Variants in SIPA1L1 observed in about 807,000 individuals in gnomAD.
The protein encoded by SIPA1L1 is signal-induced proliferation-associated 1-like protein 1.
A neutral mutation model predicts 162.7 loss-of-function variants in SIPA1L1; 26 were observed. The observed-to-expected ratio is 0.16, with a 90% CI of 0.12 to 0.22. The LOEUF (loss-of-function observed/expected upper bound fraction) is 0.22, where lower values mean the gene tolerates loss of function less well. SIPA1L1 is among the 10% of genes least tolerant of loss of function. SIPA1L1 has a pLI of 1.00. For synonymous variants in SIPA1L1, 829 were observed against 837.4 expected (o/e 0.99, Z 0.17); for missense variants, 1,874 against 2,241.0 (o/e 0.84, Z 3.31).
At chr14:71,357,245 A>G (rs1020795607) in intron 2 of SIPA1L1, among the ~76,000 whole-genome samples, 3 of 151,888 alleles carry the variant, frequency 2.0e-5, no homozygotes, top group African/African-American at 4.8e-5. Flanking sequence ...ATAGATGGCT[A>G]TTTATCTGAA....
chr14:71,648,899 G>A (rs1018415117), intron 7 of SIPA1L1, among the ~76,000 whole-genome samples: 1 of 152,298 alleles, frequency 6.6e-6, no homozygotes, highest in African/African-American at 2.4e-5. Context: ...TCTCCCTACT[G>A]TACTAGTTCC....
At chr14:71,637,364 TATTAC>T (rs1174694739) in intron 7 of SIPA1L1, among the ~76,000 whole-genome samples, 1 of 152,174 alleles carries the variant, frequency 6.6e-6, no homozygotes, top group East Asian at 1.9e-4. Context: ...ACTTAACTTT[TATTAC>T]ATTGTATTGT....
intron 3 of SIPA1L1, among the ~76,000 whole-genome samples, chr14:71,522,126 C>T (rs909528914): frequency 6.6e-6 from 1 of 152,330 alleles, no homozygotes; most frequent in South Asian, 2.1e-4. Context: ...TGATAGTTCT[C>T]TCTCTTAGTT....
At chr14:71,408,453 T>G (rs1485639309) in intron 2 of SIPA1L1, among the ~76,000 whole-genome samples, 1 of 152,144 alleles carries the variant, frequency 6.6e-6, no homozygotes, top group East Asian at 1.9e-4. Context: ...AGTTTCAGAA[T>G]AAAAGAAAAC....
intron 2 of SIPA1L1, among the ~76,000 whole-genome samples, chr14:71,462,509 G>A (rs2046679172): frequency 6.6e-6 from 1 of 152,176 alleles, no homozygotes; most frequent in Admixed American, 6.5e-5. Context: ...ATCCAAATAG[G>A]TCCACTAGGC....
At chr14:71,437,920 A>G (rs1394685872) in intron 2 of SIPA1L1, among the ~76,000 whole-genome samples, 3 of 152,200 alleles carry the variant, frequency 2.0e-5, no homozygotes, top group African/African-American at 4.8e-5. Flanking sequence ...AAATATACAC[A>G]GGCATGTACC....
intron 4 of SIPA1L1, among the ~76,000 whole-genome samples, chr14:71,567,045 T>C (rs894508179): frequency 4.6e-5 from 7 of 152,212 alleles, no homozygotes; most frequent in East Asian, 3.8e-4. Context: ...ATTAAAATTC[T>C]CTAATTATCA....
At chr14:71,720,768 T>C (rs1422862040) in intron 17 of SIPA1L1, among the ~76,000 whole-genome samples, 2 of 152,094 alleles carry the variant, frequency 1.3e-5, no homozygotes, top group African/African-American at 2.4e-5. Flanking sequence ...ATTTTTCAAC[T>C]CCAGAAATTC....
chr14:71,693,326 G>C (rs2081380377), intron 13 of SIPA1L1, among the ~76,000 whole-genome samples: 2 of 152,120 alleles, frequency 1.3e-5, no homozygotes, highest in Non-Finnish European at 2.9e-5. Flanking sequence ...CATGGCGAAA[G>C]CCTGTCTACT....
At chr14:71,641,860 A>G (rs1214644462) in intron 7 of SIPA1L1, among the ~76,000 whole-genome samples, 2 of 152,246 alleles carry the variant, frequency 1.3e-5, no homozygotes, top group Admixed American at 6.5e-5. Flanking sequence ...CAAAATTAGT[A>G]CAGTGGTTGC....
intron 12 of SIPA1L1, among the ~76,000 whole-genome samples, chr14:71,675,714 A>T (rs2045088922): frequency 1.3e-5 from 2 of 152,134 alleles, no homozygotes; most frequent in African/African-American, 4.8e-5. Context: ...ACCACCAGTC[A>T]CTGCAGCTGC....
chr14:71,399,563 C>A (rs1340488733), intron 2 of SIPA1L1, among the ~76,000 whole-genome samples: 3 of 152,028 alleles, frequency 2.0e-5, no homozygotes, highest in African/African-American at 7.3e-5. Flanking sequence ...CACCACCATA[C>A]CTGGCTAGGT....
intron 3 of SIPA1L1, among the ~76,000 whole-genome samples, chr14:71,514,122 A>G (rs187981280): frequency 1.4e-3 from 216 of 152,338 alleles, no homozygotes; most frequent in Middle Eastern, 3.4e-3. Flanking sequence ...GAACAAAAGG[A>G]GAGAAAGTAC....
intron 2 of SIPA1L1, among the ~76,000 whole-genome samples, chr14:71,445,940 C>G (rs927556193): frequency 7.2e-5 from 11 of 152,152 alleles, no homozygotes; most frequent in Non-Finnish European, 1.5e-4. Context: ...CCATGACCTC[C>G]TTGGGCTGGA....
At chr14:71,677,854 C>A (rs1203953175) in intron 12 of SIPA1L1, among the ~76,000 whole-genome samples, 2 of 152,278 alleles carry the variant, frequency 1.3e-5, no homozygotes, top group East Asian at 3.9e-4. Flanking sequence ...GGTACCAGTA[C>A]CATGCTGTTT....
intron 14 of SIPA1L1, among the ~76,000 whole-genome samples, chr14:71,702,136 C>T (rs1012555835): frequency 6.6e-6 from 1 of 152,140 alleles, no homozygotes; most frequent in Non-Finnish European, 1.5e-5. Context: ...TGGCTTCCGC[C>T]CTCATTGTTA....
intron 2 of SIPA1L1, among the ~76,000 whole-genome samples, chr14:71,339,590 C>T (rs190892742): frequency 1.7e-4 from 26 of 152,194 alleles, no homozygotes; most frequent in East Asian, 1.4e-3. Context: ...TCTTAAACTC[C>T]GGACCTCAGG....
At chr14:71,558,229 G>A (rs763696390) in intron 4 of SIPA1L1, among the ~76,000 whole-genome samples, 23 of 152,122 alleles carry the variant, frequency 1.5e-4, no homozygotes, top group Non-Finnish European at 2.9e-4. Flanking sequence ...GTGAATATCA[G>A]GGCACGGACT....
intron 4 of SIPA1L1, among the ~76,000 whole-genome samples, chr14:71,551,863 T>G (rs1458984489): frequency 6.6e-6 from 1 of 152,240 alleles, no homozygotes; most frequent in South Asian, 2.1e-4. Flanking sequence ...TTTGTGTTAC[T>G]GATTCCTTCA....
Sources: allele counts gnomAD v4.1 joint callset (sites outside exome capture counted in the v4.1 genomes callset), GRCh38; gene constraint gnomAD v4.1.1; transcripts MANE v1.5; gene names NCBI Gene and HGNC (gene_info 2026-07-23, HGNC 2026-07-21).